SLC5A7: variants seen among roughly 807,000 people sequenced by gnomAD.
SLC5A7 encodes high affinity choline transporter 1.
SLC5A7 carries 19 observed loss-of-function variants against 55.4 expected under a neutral mutation model. That is an observed-to-expected ratio of 0.34 (90% CI 0.24 to 0.50). The LOEUF is 0.50. SLC5A7 is among the 20% of genes least tolerant of loss of function. SLC5A7 has a pLI of 0.98. For missense variants in SLC5A7, 506 were observed against 705.3 expected (o/e 0.72, Z 3.20); for synonymous variants, 265 against 263.7 (o/e 1.00, Z -0.05).
intron 4 of SLC5A7, among the ~76,000 whole-genome samples, chr2:107,996,211 C>T (rs914521410): frequency 3.9e-5 from 6 of 152,014 alleles, no homozygotes; most frequent in Non-Finnish European, 7.4e-5. Flanking sequence ...AGTTTCGATT[C>T]GAAGTAAATG....
At chr2:107,998,086 A>G (rs1190738207) in intron 5 of SLC5A7, 100 bp downstream of exon 5, 5 of 1,215,082 alleles carry the variant, frequency 4.1e-6, no homozygotes, top group East Asian at 2.5e-5. Context: ...ATTTTCCCTC[A>G]TGAGTAATAC....
chr2:107,998,163 T>C (rs939833571), intron 5 of SLC5A7, among the ~76,000 whole-genome samples, 177 bp downstream of exon 5: 2 of 152,242 alleles, frequency 1.3e-5, no homozygotes, highest in Admixed American at 6.5e-5. Flanking sequence ...ACTCGTCATT[T>C]TGATAAAATT....
At chr2:107,990,250 A>G (rs183798333) in intron 2 of SLC5A7, among the ~76,000 whole-genome samples, 1 of 152,358 alleles carries the variant, frequency 6.6e-6, no homozygotes. Context: ...TTTAAATCTT[A>G]GTAAGTAGCC....
chr2:108,002,850 T>C (rs988712514), intron 6 of SLC5A7, among the ~76,000 whole-genome samples: 5 of 151,596 alleles, frequency 3.3e-5, no homozygotes, highest in Non-Finnish European at 7.4e-5. Context: ...GGACCCCATC[T>C]CTATAAAAAA....
At chr2:107,994,960 C>T (rs973419530) in intron 4 of SLC5A7, among the ~76,000 whole-genome samples, 9 of 151,996 alleles carry the variant, frequency 5.9e-5, no homozygotes, top group Admixed American at 2.6e-4. Flanking sequence ...AATATAGTAA[C>T]GAAACTGTGA....
Position 108,010,376 on chromosome 2 carries a change from C to A in SLC5A7, c.1258C>A (p.Gln420Lys), listed in dbSNP as rs762962246. Residue 420 changes from glutamine (Q) to lysine (K), a missense_variant, in exon 9 of 9, where the codon CAG becomes AAG. Physicochemically the swap from Gln to Lys is moderately conservative, Grantham distance 53. Around this residue, in one of 4 missense-constraint regions of SLC5A7, gnomAD observed 309 missense variants for 478.6 expected, o/e 0.65. Coordinates refer to ENST00000264047, the MANE Select transcript of SLC5A7 (RefSeq NM_021815.5). The stretch of plus-strand genomic sequence containing the variant: ...CCTTGTTTACATCGTTATCTTCCCC[C>A]AGCTGCTTTGTGTACTCTTTGTTAA... Reference protein sequence around the residue: ...SDLVYIVIFPQLLCVLFVKGT... With the variant: ...SDLVYIVIFPKLLCVLFVKGT... 13 of 1,613,984 alleles carry A rather than the reference C, an allele frequency of 8.1e-6. No homozygotes were observed. The highest frequency in any genetic ancestry group is 1.0e-5 in the Non-Finnish European group (12 of 1,179,952).
At chr2:107,992,908 C>A in intron 3 of SLC5A7, 64 bp from the exon 4 acceptor site, 1 of 1,549,254 alleles carries the variant, frequency 6.5e-7, no homozygotes, top group Non-Finnish European at 8.8e-7. Context: ...TAAATGGCAG[C>A]ATAGTAAAAG....
intron 5 of SLC5A7, among the ~76,000 whole-genome samples, chr2:107,998,693 G>A (rs1677771649): frequency 6.6e-6 from 1 of 152,144 alleles, no homozygotes; most frequent in Non-Finnish European, 1.5e-5. Context: ...TGCTGGGCTA[G>A]GGTCATCATA....
At position 108,010,791 on chromosome 2, in the gene SLC5A7, C is replaced by G. The variant is rs747026995; in HGVS notation, c.1673C>G (p.Thr558Ser). 3.1e-6 allele frequency: 5 copies of G among 1,613,122 alleles called. No homozygotes were observed. Among genetic ancestry groups the G allele is most frequent in the Non-Finnish European group, 4.2e-6 (5 of 1,179,734 alleles). ...RQSMTLSSTF[T>S]NKEAFLDVDS... ...AGCATGACCCTCAGCTCAACTTTCACCAATAAAGAGGCCTTCCTTGATGTT... is the reference window on the plus strand; with the variant it reads ...AGCATGACCCTCAGCTCAACTTTCAGCAATAAAGAGGCCTTCCTTGATGTT... The change falls in exon 9 of 9, where the codon ACC (threonine) becomes AGC (serine). Residue 558 changes from threonine to serine, a missense_variant. Coordinates refer to ENST00000264047, the MANE Select transcript of SLC5A7 (RefSeq NM_021815.5).
chr2:108,012,111 G>C lies in SLC5A7; in HGVS notation c.*1250G>C, dbSNP rs906655998. ...ATGTCTAGATAACATTCATGAGATT[G>C]GTCATTAAATACTATTTTGCTCCTT... On this transcript the variant is annotated 3_prime_UTR_variant, in exon 9 of 9. Transcript: ENST00000264047. 3.3e-5 allele frequency: 5 copies of C among 152,410 alleles called. No individual in the cohort carries two copies. The highest frequency in any genetic ancestry group is 1.3e-4 in the Admixed American group (2 of 15,252). The allele number at this position is 152,410 out of a possible 1,614,324, so 9.4% of individuals were successfully genotyped here. A position where few individuals can be genotyped will look rare whatever the true frequency, so the allele number is the denominator to read the frequency against.
Position 108,012,351 on chromosome 2 carries a change from A to G in SLC5A7, c.*1490A>G, listed in dbSNP as rs1323947065. ...AAAGTGAGTCTGAATTGTTGAAACT[A>G]AAGCACTTCTTTTCCAAAAATACTT... On this transcript the variant is annotated 3_prime_UTR_variant, in exon 9 of 9. Transcript: ENST00000264047. 6.6e-6 allele frequency: 1 copy of G among 152,182 alleles called. No homozygotes were observed. The highest frequency in any genetic ancestry group is 2.4e-5 in the African/African-American group (1 of 41,446). The allele number at this position is 152,182 out of a possible 1,614,324, so 9.4% of individuals were successfully genotyped here. A position where few individuals can be genotyped will look rare whatever the true frequency, so the allele number is the denominator to read the frequency against.
rs776949424 is a variant in SLC5A7 at position 108,010,236 on chromosome 2, C to T, written c.1118C>T (p.Ser373Leu). ...CACTGTGGCAATTTCTTACAGGCTT[C>T]GGACAAAGAAATCGTTTGGGTTATG... ...IYQLSFRQNASDKEIVWVMRI... is the reference protein window; with the variant it reads ...IYQLSFRQNALDKEIVWVMRI... The change falls in exon 9 of 9, where the codon TCG (serine) becomes TTG (leucine). Residue 373 changes from serine (S) to leucine (L), a missense_variant. Physicochemically the swap from Ser to Leu is moderately radical, Grantham distance 145. Coordinates refer to ENST00000264047, the MANE Select transcript of SLC5A7 (RefSeq NM_021815.5). 7 of 1,611,482 alleles carry T rather than the reference C, an allele frequency of 4.3e-6. No homozygotes were observed. The highest frequency in any genetic ancestry group is 3.3e-5 in the Admixed American group (2 of 59,838).
chr2:108,007,582 A>C (rs920241711), intron 7 of SLC5A7, among the ~76,000 whole-genome samples: 2 of 152,112 alleles, frequency 1.3e-5, no homozygotes, highest in African/African-American at 4.8e-5. Flanking sequence ...TTAGATACAC[A>C]TTCTTGTTTG....
chr2:108,000,175 A>C (rs1677826097), intron 5 of SLC5A7, among the ~76,000 whole-genome samples: 1 of 151,946 alleles, frequency 6.6e-6, no homozygotes, highest in Non-Finnish European at 1.5e-5. Flanking sequence ...ACACACACAC[A>C]CCCCATTTAT....
chr2:108,006,314 C>A, intron 7 of SLC5A7, 112 bp downstream of exon 7: 1 of 1,174,888 alleles, frequency 8.5e-7, no homozygotes, highest in Non-Finnish European at 1.2e-6. Context: ...TTTCTCACCA[C>A]ATTCATATCT....
At chr2:107,998,027 A>C in intron 5 of SLC5A7, 41 bp downstream of exon 5, 1 of 1,584,026 alleles carries the variant, frequency 6.3e-7, no homozygotes. Flanking sequence ...TTTTTTCTGT[A>C]AAAGGTAATG....
chr2:108,002,063 G>A, intron 6 of SLC5A7, 23 bp downstream of exon 6: 1 of 1,591,064 alleles, frequency 6.3e-7, no homozygotes, highest in Non-Finnish European at 8.6e-7. Context: ...CTTACCTGAA[G>A]AATGTGATTT....
Position 107,997,925 on chromosome 2 carries a change from G to A in SLC5A7, c.536G>A (p.Gly179Glu). The A allele has an allele frequency of 6.2e-7, 1 of 1,614,004 alleles. No individual in the cohort carries two copies. Among genetic ancestry groups the A allele is most frequent in the Non-Finnish European group, 8.5e-7 (1 of 1,179,946 alleles). ...ALIATLYTLV[G>E]GLYSVAYTDV... The stretch of plus-strand genomic sequence containing the variant: ...ATTGCCACTCTGTACACACTGGTGG[G>A]AGGGCTCTATTCTGTGGCCTACACT... The change falls in exon 5 of 9, where the codon GGA becomes GAA. Residue 179 changes from glycine to glutamate, a missense_variant. Coordinates refer to ENST00000264047, the MANE Select transcript of SLC5A7 (RefSeq NM_021815.5).
chr2:107,988,188 C>T lies in SLC5A7; in HGVS notation c.33C>T (p.Ile11=). The change falls in exon 2 of 9, where the codon ATC becomes ATT. Residue 11 remains isoleucine (I), a synonymous_variant. Coordinates refer to ENST00000264047, the MANE Select transcript of SLC5A7 (RefSeq NM_021815.5). ...TCCATGTGGAAGGACTGATAGCTAT[C>T]ATCGTGTTCTACCTTCTAATTTTGC... MAFHVEGLIA[I]IVFYLLILLV... is the part of the protein sequence containing the mutation. 6.2e-7 allele frequency: 1 copy of T among 1,614,028 alleles called. No homozygotes were observed.
Sources: allele counts gnomAD v4.1 joint callset (sites outside exome capture counted in the v4.1 genomes callset), GRCh38; gene constraint gnomAD v4.1.1; regional missense constraint gnomAD v4.1.1; transcripts MANE v1.5; gene names NCBI Gene and HGNC (gene_info 2026-07-23, HGNC 2026-07-21).